The following SLC4A11 variants were observed in gnomAD, a reference collection of about 807,000 sequenced individuals.
SLC4A11 encodes solute carrier family 4 member 11.
In SLC4A11, 74 loss-of-function variants were observed where a neutral mutation model predicts 95.0. The observed-to-expected ratio is 0.78, with a 90% CI of 0.65 to 0.95. SLC4A11 has a LOEUF of 0.95. Among genes scored for constraint, SLC4A11 ranks in the 40% least tolerant of loss-of-function variants. SLC4A11 has a pLI of 0.00. For missense variants in SLC4A11, 1,081 were observed against 1,192.4 expected (o/e 0.91, Z 1.38); for synonymous variants, 548 against 519.0 (o/e 1.06, Z -0.76).
Position 3,237,900 on chromosome 20 carries a change from G to A in SLC4A11, c.44-312C>T, listed in dbSNP as rs1029523053. The A allele has an allele frequency of 3.0e-5, 46 of 1,550,618 alleles. No homozygotes were observed. In the Admixed American group the frequency reaches 4.3e-4, roughly 15 times the overall value. On this transcript the variant is annotated intron_variant, in intron 1 of 19. Transcript: ENST00000642402. The stretch of plus-strand genomic sequence containing the variant: ...CCGAGTTAGTACCAGTACCATGTTC[G>A]CTAATCCAGGTTTTCCTGAGAAAAC...
In SLC4A11 at chr20:3,230,250, C is replaced by T; in HGVS notation, c.1426G>A (p.Glu476Lys). ...ATGGAAATGAAGAGGGCGATGATCT[C>T]CTCCGTCGACCTGCCAGGAGGCCAT... ...VMSLFKRSTE[E>K]IIALFISITF... Residue 476 changes from glutamate (E) to lysine (K), a missense_variant, in exon 13 of 20, where the codon GAG becomes AAG. Glu to Lys is a moderately conservative substitution (Grantham distance 56, BLOSUM62 1). This residue lies in a region of SLC4A11 where 767 missense variants were observed against 858.0 expected (regional missense o/e 0.89). Transcript: ENST00000642402. The T allele has an allele frequency of 6.2e-7, 1 of 1,613,524 alleles. No individual in the cohort carries two copies. Among genetic ancestry groups the T allele is most frequent in the East Asian group, 2.2e-5 (1 of 44,874 alleles).
At chr20:3,230,087 CAGCTTG>C in intron 13 of SLC4A11, 94 bp downstream of exon 13, 4 of 1,387,732 alleles carry the variant, frequency 2.9e-6, no homozygotes, top group Non-Finnish European at 4.1e-6. Flanking sequence ...GGCACACACT[CAGCTTG>C]AGCCAGTCCT....
chr20:3,235,516 G>T (rs994279865), intron 2 of SLC4A11, among the ~76,000 whole-genome samples: 1 of 152,060 alleles, frequency 6.6e-6, no homozygotes, highest in African/African-American at 2.4e-5. Context: ...GGACCCCAAG[G>T]CCTCATGTCA....
Position 3,228,594 on chromosome 20 carries a change from T to G in SLC4A11, c.2306A>C (p.Tyr769Ser). Residue 769 changes from tyrosine to serine, a missense_variant, in exon 18 of 20, where the codon TAT becomes TCT. Physicochemically the swap from Tyr to Ser is moderately radical, Grantham distance 144 (BLOSUM62 -2). Coordinates refer to ENST00000642402, the MANE Select transcript of SLC4A11 (RefSeq NM_001174089.2). ...PLQWIPKPVL[Y>S]GLFLYIALTS... is the part of the protein sequence containing the mutation. Reference sequence around the variant, plus strand: ...GAGCGCGATGTAGAGGAAGAGGCCATAGAGCACGGGCTTGGGGATCCACTG... The same window carrying G: ...GAGCGCGATGTAGAGGAAGAGGCCAGAGAGCACGGGCTTGGGGATCCACTG... The G allele has an allele frequency of 6.2e-7, 1 of 1,613,244 alleles. No individual in the cohort carries two copies. Among genetic ancestry groups the G allele is most frequent in the Non-Finnish European group, 8.5e-7 (1 of 1,179,946 alleles).
Position 3,228,652 on chromosome 20 carries a change from C to T in SLC4A11, c.2248G>A (p.Gly750Ser). The change falls in exon 18 of 20, where the codon GGC becomes AGC. Residue 750 changes from glycine (G) to serine (S), a missense_variant. Physicochemically the swap from Gly to Ser is moderately conservative, Grantham distance 56. Transcript: ENST00000642402. ...ACCGGCAGCAGCAACAGGGACAGGC[C>T]CACCAGGACGCTGGCGCCCAGCGAG... Reference protein sequence around the residue: ...LTSLGASVLVGLSLLLLPVPL... With the variant: ...LTSLGASVLVSLSLLLLPVPL... The T allele has an allele frequency of 6.2e-7, 1 of 1,612,956 alleles. No individual in the cohort carries two copies. The highest frequency in any genetic ancestry group is 8.5e-7 in the Non-Finnish European group (1 of 1,179,924).
chr20:3,237,671 C>A (rs748389644), intron 1 of SLC4A11, 83 bp from the exon 2 acceptor site: 3 of 1,614,020 alleles, frequency 1.9e-6, no homozygotes, highest in Non-Finnish European at 2.5e-6. Context: ...GCCCCCCGAC[C>A]TGGCTCATTC....
rs367721824 is a variant in SLC4A11 at position 3,231,489 on chromosome 20, G to A, written c.789C>T (p.Ile263=). The change falls in exon 8 of 20, where the codon ATC becomes ATT. Residue 263 remains isoleucine, a synonymous_variant. Transcript: ENST00000642402. The surrounding 1 kb of genome is among the most constrained non-coding windows in gnomAD (Gnocchi z 5.2). ...TCTCCAGGAGCTTCTGGCGGAAGGC[G>A]ATATCCGAGAACATGGTGGCAAACG... ...ARTFATMFSD[I]AFRQKLLETR... is the part of the protein sequence containing the mutation. The A allele has an allele frequency of 5.9e-5, 96 of 1,614,008 alleles. No individual in the cohort carries two copies. The highest frequency in any genetic ancestry group is 8.0e-5 in the African/African-American group (6 of 75,024).
chr20:3,231,110 A>C lies in SLC4A11; in HGVS notation c.1042+39T>G. ...TTTGCTGGGGATGCAGGACAGGCACACGTGTGGGCCCAAGGCCTGGAAAGC... is the reference window on the plus strand; with the variant it reads ...TTTGCTGGGGATGCAGGACAGGCACCCGTGTGGGCCCAAGGCCTGGAAAGC... On this transcript the variant is annotated intron_variant, in intron 9 of 19. Coordinates refer to ENST00000642402, the MANE Select transcript of SLC4A11 (RefSeq NM_001174089.2). The surrounding 1 kb of genome is among the most constrained non-coding windows in gnomAD (Gnocchi z 5.2). The C allele has an allele frequency of 6.2e-7, 1 of 1,614,144 alleles. No homozygotes were observed. Among genetic ancestry groups the C allele is most frequent in the Non-Finnish European group, 8.5e-7 (1 of 1,180,024 alleles).
At chr20:3,235,309 T>TCACACACACACACACAAA (rs2067942008) in intron 2 of SLC4A11, among the ~76,000 whole-genome samples, 1 of 123,540 alleles carries the variant, frequency 8.1e-6, no homozygotes, top group African/African-American at 3.2e-5. Context: ...TCTCTCTCTC[T>TCACACACACACACACAAA]CACACACACA....
chr20:3,237,651 C>T, intron 1 of SLC4A11, 63 bp from the exon 2 acceptor site: 7 of 1,614,088 alleles, frequency 4.3e-6, no homozygotes, highest in Non-Finnish European at 5.9e-6. Flanking sequence ...CTGTGTGCAC[C>T]TGTCTCCCCG....
In SLC4A11 at chr20:3,234,403, T is replaced by TCCAGCGTCCAGCCC. The variant is rs2067897701; in HGVS notation, c.292-90_292-89insGGGCTGGACGCTGG. On this transcript the variant is annotated intron_variant, in intron 4 of 19. Coordinates refer to ENST00000642402, the MANE Select transcript of SLC4A11 (RefSeq NM_001174089.2). This position sits in a 1 kb window ranked among gnomAD's most constrained non-coding sequence, Gnocchi z 5.8. ...CCTCCCTCCCAGCCAGCCGCAGCAG[T>TCCAGCGTCCAGCCC]CCAGCCCCCAGCCCCCAGCCCCCAG... The TCCAGCGTCCAGCCC allele has an allele frequency of 1.5e-6, 2 of 1,338,894 alleles. No homozygotes were observed. Among genetic ancestry groups the TCCAGCGTCCAGCCC allele is most frequent in the Non-Finnish European group, 2.1e-6 (2 of 944,842 alleles). 82.9% of individuals were successfully genotyped at this position (1,338,894 alleles called of 1,614,324 possible).
upstream of SLC4A11, chr20:3,239,447 G>T: frequency 9.6e-7 from 1 of 1,040,158 alleles, no homozygotes; most frequent in Non-Finnish European, 1.2e-6. Context: ...GTGCGCGCCG[G>T]ACCCAGCAGA....
chr20:3,228,045 CA>C (rs2067593817), intron 19 of SLC4A11, among the ~76,000 whole-genome samples, 189 bp from the exon 20 acceptor site: 1 of 126,546 alleles, frequency 7.9e-6, no homozygotes, highest in South Asian at 2.8e-4. Flanking sequence ...CCAGCCCGCC[CA>C]CTCTCCACCT....
Position 3,228,241 on chromosome 20 carries a change from C to T in SLC4A11, c.2558+18G>A. On this transcript the variant is annotated intron_variant, in intron 19 of 19. Transcript: ENST00000642402. ...ACCTAGACTGGGCCCCTCCTGCCCA[C>T]TGCCCACCCGCCTGTACCGGATGGG... The T allele has an allele frequency of 6.2e-7, 1 of 1,611,550 alleles. No homozygotes were observed. Among genetic ancestry groups the T allele is most frequent in the South Asian group, 1.1e-5 (1 of 90,966 alleles).
chr20:3,237,659 C>G, intron 1 of SLC4A11, 71 bp from the exon 2 acceptor site: 1 of 1,614,108 alleles, frequency 6.2e-7, no homozygotes, highest in Non-Finnish European at 8.5e-7. Flanking sequence ...ACCTGTCTCC[C>G]CGCCCCCCGA....
At position 3,229,642 on chromosome 20, in the gene SLC4A11, C is replaced by T. The variant is rs373915425; in HGVS notation, c.1624G>A (p.Ala542Thr). ...LHTALNASFLASPTELPSATH... is the reference protein window; with the variant it reads ...LHTALNASFLTSPTELPSATH... ...GCCGAGGGCAGCTCCGTGGGGCTGGCGAGGAAGCTGGCGTTGAGGGCAGTG... is the reference window on the plus strand; with the variant it reads ...GCCGAGGGCAGCTCCGTGGGGCTGGTGAGGAAGCTGGCGTTGAGGGCAGTG... The change falls in exon 14 of 20, where the codon GCC becomes ACC. Residue 542 changes from alanine (A) to threonine (T), a missense_variant. Ala to Thr is a moderately conservative substitution (Grantham distance 58). Transcript: ENST00000642402. The T allele has an allele frequency of 6.7e-5, 108 of 1,613,322 alleles. No individual in the cohort carries two copies. The highest frequency in any genetic ancestry group is 8.9e-5 in the Non-Finnish European group (105 of 1,179,970).
At chr20:3,230,376 C>T in intron 12 of SLC4A11, 116 bp from the exon 13 acceptor site, 2 of 1,565,474 alleles carry the variant, frequency 1.3e-6, no homozygotes, top group Non-Finnish European at 8.8e-7. Flanking sequence ...AAGGCCAGGG[C>T]CCCAGGCCTT....
chr20:3,229,381 G>A lies in SLC4A11; in HGVS notation c.1814C>T (p.Ser605Phe). Reference sequence around the variant, plus strand: ...CCGGAAGCCATGGGAGCTGATGAGGGAGAAGGCGAGCACCGCGATGGGCAG... The same window carrying A: ...CCGGAAGCCATGGGAGCTGATGAGGAAGAAGGCGAGCACCGCGATGGGCAG... ...CALPIAVLAFSLISSHGFREI... is the reference protein window; with the variant it reads ...CALPIAVLAFFLISSHGFREI... Residue 605 changes from serine (S) to phenylalanine (F), a missense_variant, in exon 15 of 20, where the codon TCC (serine) becomes TTC (phenylalanine). By Grantham distance (155) the Ser-to-Phe change is radical (BLOSUM62 -2). Around this residue, in one of 3 missense-constraint regions of SLC4A11, gnomAD observed 767 missense variants for 858.0 expected, o/e 0.89. Coordinates refer to ENST00000642402, the MANE Select transcript of SLC4A11 (RefSeq NM_001174089.2). The A allele has an allele frequency of 6.2e-7, 1 of 1,613,354 alleles. No homozygotes were observed.
Position 3,229,204 on chromosome 20 carries a change from G to A in SLC4A11, c.1909C>T (p.Leu637=). Residue 637 remains leucine, a synonymous_variant, in exon 16 of 20, where the codon CTG becomes TTG. Transcript: ENST00000642402. The part of the protein sequence containing the change: ...SPFAMAQIQS[L]SLRAVSGAMG... ...GCACCGCTGACGGCCCTCAGGGACA[G>A]CGACTGGATCTGCGCCATCGCAAAG... 1 of 1,612,766 alleles carries A rather than the reference G, an allele frequency of 6.2e-7. No homozygotes were observed. Among genetic ancestry groups the A allele is most frequent in the Non-Finnish European group, 8.5e-7 (1 of 1,180,022 alleles).
Sources: gnomAD v4.1 joint callset for allele counts (sites outside exome capture counted in the v4.1 genomes callset) on GRCh38, gnomAD v4.1.1 for gene constraint, gnomAD v4.1.1 regional missense constraint, Gnocchi (gnomAD v3.1) non-coding constraint, MANE v1.5 for transcripts, NCBI Gene and HGNC (gene_info 2026-07-23, HGNC 2026-07-21) for gene names.